The following LPP variants were observed in gnomAD, a reference collection of about 807,000 sequenced individuals.
The protein encoded by LPP is LIM domain containing preferred translocation partner in lipoma.
A neutral mutation model predicts 60.4 loss-of-function variants in LPP; 38 were observed. That is an observed-to-expected ratio of 0.63 (90% CI 0.49 to 0.83). The LOEUF (loss-of-function observed/expected upper bound fraction) is 0.83, where lower values mean the gene tolerates loss of function less well. Ranked by LOEUF, LPP falls within the 40% of genes least tolerant of loss-of-function variation. The pLI, the probability that LPP is intolerant of heterozygous loss-of-function variation, is 0.00. For synonymous variants in LPP, 328 were observed against 290.8 expected (o/e 1.13, Z -1.30); for missense variants, 902 against 783.6 (o/e 1.15, Z -1.80).
At chr3:188,618,052 T>C (rs1845178494) in intron 7 of LPP, among the ~76,000 whole-genome samples, 1 of 152,202 alleles carries the variant, frequency 6.6e-6, no homozygotes, top group Non-Finnish European at 1.5e-5. Context: ...TATTAAAGCT[T>C]TGAAATGTTT....
intron 1 of LPP, among the ~76,000 whole-genome samples, chr3:188,160,957 A>G (rs1718080985): frequency 6.6e-6 from 1 of 152,216 alleles, no homozygotes; most frequent in Non-Finnish European, 1.5e-5. Flanking sequence ...TGAGAAGTGA[A>G]TAGGAGTTTA....
intron 8 of LPP, among the ~76,000 whole-genome samples, chr3:188,753,995 A>G (rs76335094): frequency 0.032 from 4,814 of 152,328 alleles, 124 homozygotes; most frequent in Non-Finnish European, 0.046. Context: ...AAATGGCAAT[A>G]ACCATAGGAG....
intron 1 of LPP, among the ~76,000 whole-genome samples, chr3:188,207,382 C>T (rs1231908742): frequency 1.3e-5 from 2 of 151,896 alleles, no homozygotes; most frequent in African/African-American, 4.8e-5. Flanking sequence ...CAGGCACACA[C>T]CACCACGCCT....
chr3:188,483,122 C>T (rs933222128), intron 4 of LPP, among the ~76,000 whole-genome samples: 7 of 152,108 alleles, frequency 4.6e-5, no homozygotes, highest in African/African-American at 1.4e-4. Context: ...GTCTAGTAAG[C>T]GGAGTACTCG....
At chr3:188,596,318 T>C (rs886413807) in intron 6 of LPP, among the ~76,000 whole-genome samples, 2 of 152,176 alleles carry the variant, frequency 1.3e-5, no homozygotes, top group Non-Finnish European at 2.9e-5. Context: ...GATAAAGGGA[T>C]GTGTACAGGT....
intron 9 of LPP, among the ~76,000 whole-genome samples, chr3:188,824,706 A>G (rs926460328): frequency 1.8e-4 from 28 of 152,206 alleles, no homozygotes; most frequent in African/African-American, 6.5e-4. Context: ...TGTCAGCTAC[A>G]TCACCACAGA....
At chr3:188,222,691 AC>A (rs1436417303) in intron 1 of LPP, among the ~76,000 whole-genome samples, 4 of 152,074 alleles carry the variant, frequency 2.6e-5, no homozygotes, top group African/African-American at 9.7e-5. Flanking sequence ...GCCAGATAGA[AC>A]TGTGAAAATC....
At chr3:188,742,660 GA>G (rs1724858381) in intron 8 of LPP, among the ~76,000 whole-genome samples, 1 of 152,076 alleles carries the variant, frequency 6.6e-6, no homozygotes, top group Non-Finnish European at 1.5e-5. Context: ...TGGGAGTGGG[GA>G]AAGGATTGAT....
At chr3:188,665,161 C>A (rs1263489247) in intron 7 of LPP, among the ~76,000 whole-genome samples, 3 of 152,104 alleles carry the variant, frequency 2.0e-5, no homozygotes, top group Non-Finnish European at 4.4e-5. Flanking sequence ...TGCTGTTAGA[C>A]TTATCATTAT....
rs2151992258 is a variant in LPP, at chr3:188,866,365, G to A, written c.1576G>A (p.Glu526Lys). ...VDAGGLIHCI[E>K]DFHKKFAPRC... is the part of the protein sequence containing the mutation. Reference sequence around the variant, plus strand: ...TGCTGGCGGGCTCATTCACTGCATTGAGGACTTCCACAAGTAGGCAACCTA... The same window carrying A: ...TGCTGGCGGGCTCATTCACTGCATTAAGGACTTCCACAAGTAGGCAACCTA... Residue 526 changes from glutamate (E) to lysine (K), a missense_variant, in exon 10 of 12, where the codon GAG becomes AAG. By Grantham distance (56) the Glu-to-Lys change is moderately conservative (BLOSUM62 1). Coordinates refer to ENST00000617246, the MANE Select transcript of LPP (RefSeq NM_001375462.1). 1 of 1,497,576 alleles carries A rather than the reference G, an allele frequency of 6.7e-7. No homozygotes were observed. Among genetic ancestry groups the A allele is most frequent in the Non-Finnish European group, 9.0e-7 (1 of 1,115,498 alleles). 92.8% of individuals were successfully genotyped at this position (1,497,576 alleles called of 1,614,324 possible). A position where few individuals can be genotyped will look rare whatever the true frequency, so the allele number is the denominator to read the frequency against.
At chr3:188,602,089 TACACACACATATAC>T (rs1841324738) in intron 6 of LPP, among the ~76,000 whole-genome samples, 2 of 98,376 alleles carry the variant, frequency 2.0e-5, no homozygotes, top group African/African-American at 3.5e-5. Flanking sequence ...TATATATATA[TACACACACATATAC>T]ATATACACAC....
intron 3 of LPP, among the ~76,000 whole-genome samples, chr3:188,401,170 C>T (rs1458238200): frequency 6.6e-6 from 1 of 152,186 alleles, no homozygotes; most frequent in African/African-American, 2.4e-5. Context: ...ATCCATCCTA[C>T]ATGATTCAAT....
intron 6 of LPP, among the ~76,000 whole-genome samples, chr3:188,559,524 A>G (rs1830205706): frequency 6.6e-6 from 1 of 152,094 alleles, no homozygotes; most frequent in Non-Finnish European, 1.5e-5. Context: ...GAACTATAGT[A>G]TGTCTTAGTC....
chr3:188,774,423 A>T (rs1737060244), intron 9 of LPP, among the ~76,000 whole-genome samples: 1 of 60,628 alleles, frequency 1.6e-5, no homozygotes, highest in Non-Finnish European at 3.9e-5. Context: ...GCTCCTTAGG[A>T]GCAAACTCAT....
chr3:188,726,677 T>C (rs1015710297), intron 8 of LPP, among the ~76,000 whole-genome samples: 3 of 152,164 alleles, frequency 2.0e-5, no homozygotes, highest in Non-Finnish European at 4.4e-5. Flanking sequence ...GTCTCTATTA[T>C]GGGTGAAATC....
intron 9 of LPP, among the ~76,000 whole-genome samples, chr3:188,839,909 T>A (rs1759496703): frequency 6.6e-6 from 1 of 152,088 alleles, no homozygotes; most frequent in Non-Finnish European, 1.5e-5. Flanking sequence ...AAATTAAATT[T>A]AAAAAAGAGT....
rs150371707 is a variant in LPP at position 188,349,536 on chromosome 3, T to C, written c.-10+7817T>C. Among the ~76,000 whole-genome samples the C allele has an allele frequency of 3.4e-3, 518 of 152,326 alleles. 1 individual carries two copies. Among genetic ancestry groups the C allele is most frequent in the Non-Finnish European group, 3.9e-3 (263 of 68,028 alleles). On this transcript the variant is annotated intron_variant, in intron 3 of 11. Transcript: ENST00000617246. ...AAGTGCCTGGGGTTGCCTCTGGAGTTACACAGCGCTGTCTCATCAATCTTT... is the reference window on the plus strand; with the variant it reads ...AAGTGCCTGGGGTTGCCTCTGGAGTCACACAGCGCTGTCTCATCAATCTTT...
rs1202652688 is a variant in LPP, at chr3:188,610,996, T to G, written c.1113+1152T>G. ...AATTCTTTCCACATTTTTACAAGAT[T>G]GTCCATTTCAAGACAGATCTATTCA... On this transcript the variant is annotated intron_variant, in intron 7 of 11. Coordinates refer to ENST00000617246, the MANE Select transcript of LPP (RefSeq NM_001375462.1). This position sits in a 1 kb window ranked among gnomAD's most constrained non-coding sequence, Gnocchi z 4.4. 6.6e-6 allele frequency among the ~76,000 whole-genome samples: 1 copy of G among 152,228 alleles called. No homozygotes were observed. The highest frequency in any genetic ancestry group is 2.4e-5 in the African/African-American group (1 of 41,464).
At chr3:188,776,414 T>G (rs1437969894) in intron 9 of LPP, among the ~76,000 whole-genome samples, 1 of 152,218 alleles carries the variant, frequency 6.6e-6, no homozygotes, top group Non-Finnish European at 1.5e-5. Context: ...ATCAGCCTCT[T>G]GTTCAGTAAA....
Sources: gnomAD v4.1 joint callset for allele counts (sites outside exome capture counted in the v4.1 genomes callset) on GRCh38, gnomAD v4.1.1 for gene constraint, Gnocchi (gnomAD v3.1) non-coding constraint, MANE v1.5 for transcripts, NCBI Gene and HGNC (gene_info 2026-07-23, HGNC 2026-07-21) for gene names.